The following CYP4B1 variants were observed in gnomAD, a reference collection of about 807,000 sequenced individuals.
The protein encoded by CYP4B1 is cytochrome P450 family 4 subfamily B member 1, also known as cytochrome P450 4B1.
In CYP4B1, 45 loss-of-function variants were observed where a neutral mutation model predicts 54.0. The ratio of observed to expected loss-of-function variants is 0.83; its 90% CI spans 0.66 to 1.07. CYP4B1 has a LOEUF of 1.07. CYP4B1 is among the 50% of genes least tolerant of loss of function. The pLI, the probability that CYP4B1 is intolerant of heterozygous loss-of-function variation, is 0.00. For synonymous variants in CYP4B1, 248 were observed against 247.5 expected, an observed-to-expected ratio of 1.00 and a Z score of -0.02; for missense variants, 656 against 655.4, an observed-to-expected ratio of 1.00 and a Z score of -0.01.
rs1270134650 is a variant in CYP4B1 at position 46,810,876 on chromosome 1, C to G, written c.249C>G (p.Leu83=). The G allele has an allele frequency of 1.2e-6, 2 of 1,614,046 alleles. No individual in the cohort carries two copies. Among genetic ancestry groups the G allele is most frequent in the African/African-American group, 1.3e-5 (1 of 74,928 alleles). ...WAHQFPYAHP[L]WFGQFIGFLN... ...ACCAGTTCCCGTATGCCCACCCACT[C>G]TGGTTCGGACAGTTCATTGGCTTCC... is the stretch of plus-strand genomic sequence containing the variant. Residue 83 remains leucine, a synonymous_variant, in exon 2 of 12, where the codon CTC becomes CTG. Transcript: ENST00000371923.
Position 46,800,151 on chromosome 1 carries a change from CCTTT to C in CYP4B1, c.180+903_180+906del, listed in dbSNP as rs754918013. ...CTCTTTTTCCTTTCCTTTCCCTTTC[CCTTT>C]CTTTCTTTCTTTTTTTCTTCTTTCT... On this transcript the variant is annotated intron_variant, in intron 1 of 11. Coordinates refer to ENST00000371923, the MANE Select transcript of CYP4B1 (RefSeq NM_001099772.2). 7.4e-5 allele frequency among the ~76,000 whole-genome samples: 11 copies of C among 149,564 alleles called. 1 individual carries two copies. The highest frequency in any genetic ancestry group is 4.4e-4 in the South Asian group (2 of 4,590).
At chr1:46,810,980 G>A (rs1339272534) in intron 2 of CYP4B1, 31 bp downstream of exon 2, 21 of 1,612,792 alleles carry the variant, frequency 1.3e-5, no homozygotes, top group Non-Finnish European at 1.7e-5. Context: ...TCTCAGGAGA[G>A]GGTGGGGCTT....
intron 1 of CYP4B1, among the ~76,000 whole-genome samples, chr1:46,806,275 T>C (rs1392517983): frequency 6.6e-6 from 1 of 152,188 alleles, no homozygotes; most frequent in Non-Finnish European, 1.5e-5. Flanking sequence ...CCCCTTCGTC[T>C]TTCTCCTCCC....
chr1:46,817,221 C>G, intron 9 of CYP4B1, 40 bp downstream of exon 9: 15 of 1,612,458 alleles, frequency 9.3e-6, no homozygotes, highest in Non-Finnish European at 1.2e-5. Context: ...GGAGTCCCTG[C>G]ATGCTCCTCT....
At chr1:46,809,638 T>C (rs889807238) in intron 1 of CYP4B1, among the ~76,000 whole-genome samples, 1 of 152,234 alleles carries the variant, frequency 6.6e-6, no homozygotes, top group African/African-American at 2.4e-5. Context: ...CAGCAAGTGC[T>C]TAATAAAGAT....
chr1:46,801,086 C>T (rs1678638372), intron 1 of CYP4B1, among the ~76,000 whole-genome samples: 1 of 152,174 alleles, frequency 6.6e-6, no homozygotes, highest in Non-Finnish European at 1.5e-5. Flanking sequence ...CCTCAGGGTC[C>T]AGCATAAAGC....
At chr1:46,800,257 C>T (rs901606325) in intron 1 of CYP4B1, among the ~76,000 whole-genome samples, 255 of 92,044 alleles carry the variant, frequency 2.8e-3, no homozygotes, top group Middle Eastern at 5.2e-3. Context: ...TTCCTTCCTT[C>T]CTTCCTTCCT....
chr1:46,818,686 T>G lies in CYP4B1; in HGVS notation c.1411T>G (p.Cys471Gly). The change falls in exon 12 of 12, where the codon TGC becomes GGC. Residue 471 changes from cysteine (C) to glycine (G), a missense_variant. Physicochemically the swap from Cys to Gly is radical, Grantham distance 159. Transcript: ENST00000371923. ...MSEMKVVTAM[C>G]LLRFEFSLDP... is the part of the protein sequence containing the mutation. ...TGAGATGAAGGTGGTCACAGCCATG[T>G]GCTTGCTCCGCTTTGAGTTCTCTCT... The G allele has an allele frequency of 6.2e-7, 1 of 1,614,218 alleles. No individual in the cohort carries two copies.
intron 4 of CYP4B1, 127 bp downstream of exon 4, chr1:46,812,750 G>C (rs1338291750): frequency 9.1e-7 from 1 of 1,101,610 alleles, no homozygotes; most frequent in Non-Finnish European, 1.3e-6. Flanking sequence ...CCCAAGGCCT[G>C]TTCTGCCTGC....
intron 1 of CYP4B1, among the ~76,000 whole-genome samples, chr1:46,810,055 A>G (rs770434516): frequency 6.6e-6 from 1 of 152,142 alleles, no homozygotes; most frequent in Non-Finnish European, 1.5e-5. Flanking sequence ...AGACACCATG[A>G]TCTTTCCCAA....
chr1:46,812,771 C>CTGTTG, intron 4 of CYP4B1, 148 bp downstream of exon 4: 1 of 902,780 alleles, frequency 1.1e-6, no homozygotes, highest in Non-Finnish European at 1.7e-6. Flanking sequence ...AACAGCAGTG[C>CTGTTG]CAAAGCCCTG....
Position 46,818,691 on chromosome 1 carries a change from G to T in CYP4B1, c.1416G>T (p.Leu472Phe), listed in dbSNP as rs1679436493. The part of the protein sequence containing the change: ...SEMKVVTAMC[L>F]LRFEFSLDPS... ...TGAAGGTGGTCACAGCCATGTGCTT[G>T]CTCCGCTTTGAGTTCTCTCTGGACC... Residue 472 changes from leucine to phenylalanine, a missense_variant, in exon 12 of 12, where the codon TTG becomes TTT. Transcript: ENST00000371923. The T allele has an allele frequency of 6.2e-7, 1 of 1,614,184 alleles. No homozygotes were observed. Among genetic ancestry groups the T allele is most frequent in the Non-Finnish European group, 8.5e-7 (1 of 1,180,036 alleles).
At chr1:46,800,229 C>CTTTCTTTCTT (rs1557484571) in intron 1 of CYP4B1, among the ~76,000 whole-genome samples, 1 of 31,812 alleles carries the variant, frequency 3.1e-5, no homozygotes, top group African/African-American at 9.0e-5. Flanking sequence ...TTCTCTCTTT[C>CTTTCTTTCTT]TTTCTTTCTT....
Position 46,819,055 on chromosome 1 carries a change from G to A in CYP4B1, c.*241G>A. ...CATTTATTCAACAAACATTTGGTGA[G>A]CACCTATTTCGTTCGAGAAACTTCA... On this transcript the variant is annotated 3_prime_UTR_variant, in exon 12 of 12. Transcript: ENST00000371923. 1 of 410,648 alleles carries A rather than the reference G, an allele frequency of 2.4e-6. No individual in the cohort carries two copies. The allele number at this position is 410,648 out of a possible 1,614,324, so 25.4% of individuals were successfully genotyped here.
In CYP4B1 at chr1:46,812,527, G is replaced by A. The variant is rs779576645; in HGVS notation, c.399G>A (p.Lys133=). 10 of 1,613,984 alleles carry A rather than the reference G, an allele frequency of 6.2e-6. No homozygotes were observed. The highest frequency in any genetic ancestry group is 6.8e-6 in the Non-Finnish European group (8 of 1,179,950). Reference sequence around the variant, plus strand: ...GCCTGCTGGTTCTTGAGGGGCCCAAGTGGTTGCAGCACCGCAAGCTGCTCA... The same window carrying A: ...GCCTGCTGGTTCTTGAGGGGCCCAAATGGTTGCAGCACCGCAAGCTGCTCA... ...GRGLLVLEGP[K]WLQHRKLLTP... is the part of the protein sequence containing the mutation. The change falls in exon 4 of 12, where the codon AAG becomes AAA. Residue 133 remains lysine, a synonymous_variant. Transcript: ENST00000371923.
chr1:46,803,791 C>T (rs1393211770), intron 1 of CYP4B1, among the ~76,000 whole-genome samples: 3 of 152,158 alleles, frequency 2.0e-5, no homozygotes. Context: ...GCTGCCTCCA[C>T]AGGGCATCCC....
At chr1:46,800,225 C>T (rs371961795) in intron 1 of CYP4B1, among the ~76,000 whole-genome samples, 3,298 of 11,358 alleles carry the variant, frequency 0.29, 576 homozygotes, top group East Asian at 0.6. Context: ...CTCTTTCTCT[C>T]TTTCTTTCTT....
intron 1 of CYP4B1, among the ~76,000 whole-genome samples, chr1:46,807,810 A>G (rs1678920475): frequency 6.6e-6 from 1 of 152,202 alleles, no homozygotes; most frequent in Non-Finnish European, 1.5e-5. Flanking sequence ...AGGCCAAAAT[A>G]GGCCCAATCC....
At chr1:46,814,127 C>G in intron 6 of CYP4B1, 64 bp downstream of exon 6, 2 of 1,607,930 alleles carry the variant, frequency 1.2e-6, no homozygotes, top group Non-Finnish European at 1.7e-6. Flanking sequence ...CCCCTCTATG[C>G]CCCCTCCCAT....
Sources: allele counts gnomAD v4.1 joint callset (sites outside exome capture counted in the v4.1 genomes callset), GRCh38; gene constraint gnomAD v4.1.1; transcripts MANE v1.5; gene names NCBI Gene and HGNC (gene_info 2026-07-23, HGNC 2026-07-21).